The following FLRT2 variants were observed in gnomAD, a reference collection of about 807,000 sequenced individuals.
FLRT2 encodes the protein leucine-rich repeat transmembrane protein FLRT2.
Under a neutral mutation model 40.0 loss-of-function variants are expected in FLRT2, and 15 were observed. That is an observed-to-expected ratio of 0.38 (90% CI 0.25 to 0.58). The LOEUF is 0.58. Among genes scored for constraint, FLRT2 ranks in the 20% least tolerant of loss-of-function variants. FLRT2 has a pLI of 0.71. For missense variants in FLRT2, 726 were observed against 840.0 expected, an observed-to-expected ratio of 0.86 and a Z score of 1.68; for synonymous variants, 380 against 336.8, an observed-to-expected ratio of 1.13 and a Z score of -1.41.
chr14:85,607,655 G>T (rs1029521984), intron 1 of FLRT2, among the ~76,000 whole-genome samples: 2 of 152,168 alleles, frequency 1.3e-5, no homozygotes, highest in African/African-American at 4.8e-5. Context: ...TTTTTGCTTT[G>T]CAGTCCTTCT....
intron 1 of FLRT2, among the ~76,000 whole-genome samples, chr14:85,569,290 C>T (rs554420949): frequency 2.0e-5 from 3 of 152,194 alleles, no homozygotes; most frequent in Non-Finnish European, 4.4e-5. Flanking sequence ...TCAAGCCCAC[C>T]GTGGGCAATG....
chr14:85,643,305 T>C lies in FLRT2; in HGVS notation c.*19808T>C, dbSNP rs1894200449. ...GTATTTCTTTTTTTTCTTTCTTTCTTTCTTTCTTTCTTTCTTTCTTTCTTT... is the reference window on the plus strand; with the variant it reads ...GTATTTCTTTTTTTTCTTTCTTTCTCTCTTTCTTTCTTTCTTTCTTTCTTT... On this transcript the variant is annotated 3_prime_UTR_variant, in exon 2 of 2. Coordinates refer to ENST00000330753, the MANE Select transcript of FLRT2 (RefSeq NM_013231.6). 1 of 94,442 alleles carries C rather than the reference T, an allele frequency of 1.1e-5. No homozygotes were observed. Among genetic ancestry groups the C allele is most frequent in the African/African-American group, 4.8e-5 (1 of 20,724 alleles). 5.9% of individuals were successfully genotyped at this position (94,442 alleles called of 1,614,324 possible). A position where few individuals can be genotyped will look rare whatever the true frequency, so the allele number is the denominator to read the frequency against.
chr14:85,600,388 A>C (rs1892331760), intron 1 of FLRT2, among the ~76,000 whole-genome samples: 1 of 152,200 alleles, frequency 6.6e-6, no homozygotes, highest in South Asian at 2.1e-4. Flanking sequence ...TTAAAGTGGT[A>C]GCATTTAATC....
chr14:85,563,019 A>G (rs1383776939), intron 1 of FLRT2: 1 of 151,420 alleles, frequency 6.6e-6, no homozygotes, highest in Non-Finnish European at 1.5e-5. Context: ...AGTGTTGTAT[A>G]TGTAAATAAA....
chr14:85,602,577 C>T (rs972897963), intron 1 of FLRT2, among the ~76,000 whole-genome samples: 1 of 152,192 alleles, frequency 6.6e-6, no homozygotes, highest in African/African-American at 2.4e-5. Context: ...GTTCTATGCT[C>T]AGCACAGGGA....
At chr14:85,551,722 A>G (rs1051605663) in intron 1 of FLRT2, 1 of 152,190 alleles carries the variant, frequency 6.6e-6, no homozygotes, top group Non-Finnish European at 1.5e-5. Flanking sequence ...GAGATTACTG[A>G]TGACTTAATT....
rs1893681402 is a variant in FLRT2, at chr14:85,626,336, T to A, written c.*2839T>A. On this transcript the variant is annotated 3_prime_UTR_variant, in exon 2 of 2. Coordinates refer to ENST00000330753, the MANE Select transcript of FLRT2 (RefSeq NM_013231.6). ...GCTGTCATTATGATGTATTTTGAGA[T>A]GATTAGTCAAGAGTCAAGGTTGCGA... 1 of 167,054 alleles carries A rather than the reference T, an allele frequency of 6.0e-6. No individual in the cohort carries two copies. The highest frequency in any genetic ancestry group is 2.4e-5 in the African/African-American group (1 of 41,442). The allele number at this position is 167,054 out of a possible 1,614,324, so 10.3% of individuals were successfully genotyped here. A position where few individuals can be genotyped will look rare whatever the true frequency, so the allele number is the denominator to read the frequency against.
rs2139381745 is a variant in FLRT2 at position 85,628,356 on chromosome 14, T to C, written c.*4859T>C. ...GGTCTTACCATGTTGCCCAGGCTGG[T>C]CTCAAACTCCTAGATGCAAGCAATC... On this transcript the variant is annotated 3_prime_UTR_variant, in exon 2 of 2. Transcript: ENST00000330753. The C allele has an allele frequency of 6.6e-6, 1 of 152,200 alleles. No individual in the cohort carries two copies. The highest frequency in any genetic ancestry group is 2.1e-4 in the South Asian group (1 of 4,818). The allele number at this position is 152,200 out of a possible 1,614,324, so 9.4% of individuals were successfully genotyped here. A position where few individuals can be genotyped will look rare whatever the true frequency, so the allele number is the denominator to read the frequency against.
rs200174277 is a variant in FLRT2 at position 85,532,568 on chromosome 14, CT to C, written c.-377+2037del. ...CTGTTTCCTAATCTTTAGGCTGAAT[CT>C]TTCTTTGTCCGCTGCAATCTATGGG... On this transcript the variant is annotated intron_variant, in intron 1 of 1. Transcript: ENST00000330753. 6.0e-3 allele frequency among the ~76,000 whole-genome samples: 916 copies of C among 152,304 alleles called. 13 individuals are homozygous for C. Among genetic ancestry groups the C allele is most frequent in the African/African-American group, 0.02 (848 of 41,558 alleles).
rs767740495 is a variant in FLRT2, at chr14:85,629,553, C to T, written c.*6056C>T. The T allele has an allele frequency of 1.3e-5, 2 of 152,064 alleles. No individual in the cohort carries two copies. Among genetic ancestry groups the T allele is most frequent in the Admixed American group, 6.6e-5 (1 of 15,262 alleles). 9.4% of individuals were successfully genotyped at this position (152,064 alleles called of 1,614,324 possible). A position where few individuals can be genotyped will look rare whatever the true frequency, so the allele number is the denominator to read the frequency against. ...GTCTTTAAAATAACCCTGTAAGGTGCGTTATTTTAATTTTTAGATTTTAAA... is the reference window on the plus strand; with the variant it reads ...GTCTTTAAAATAACCCTGTAAGGTGTGTTATTTTAATTTTTAGATTTTAAA... On this transcript the variant is annotated 3_prime_UTR_variant, in exon 2 of 2. Coordinates refer to ENST00000330753, the MANE Select transcript of FLRT2 (RefSeq NM_013231.6).
rs1408872141 is a variant in FLRT2 at position 85,628,389 on chromosome 14, C to T, written c.*4892C>T. ...TCCTAGATGCAAGCAATCATCCCAC[C>T]TCGATCACCCAAAGTGCTGGGAGTA... On this transcript the variant is annotated 3_prime_UTR_variant, in exon 2 of 2. Coordinates refer to ENST00000330753, the MANE Select transcript of FLRT2 (RefSeq NM_013231.6). 7 of 152,122 alleles carry T rather than the reference C, an allele frequency of 4.6e-5. No homozygotes were observed. Among genetic ancestry groups the T allele is most frequent in the Admixed American group, 4.6e-4 (7 of 15,256 alleles). 9.4% of individuals were successfully genotyped at this position (152,122 alleles called of 1,614,324 possible).
Position 85,602,159 on chromosome 14 carries a change from C to G in FLRT2, c.-376-18980C>G, listed in dbSNP as rs143456941. Among the ~76,000 whole-genome samples, 147 of 152,230 alleles carry G rather than the reference C, an allele frequency of 9.7e-4. 1 individual carries two copies. In the East Asian group the frequency reaches 0.024, roughly 25 times the overall value. Reference sequence around the variant, plus strand: ...ATTTGCACATATGTATTTACATATGCACTCTTATACATACGTACACCCTGT... The same window carrying G: ...ATTTGCACATATGTATTTACATATGGACTCTTATACATACGTACACCCTGT... On this transcript the variant is annotated intron_variant, in intron 1 of 1. Coordinates refer to ENST00000330753, the MANE Select transcript of FLRT2 (RefSeq NM_013231.6).
intron 1 of FLRT2, among the ~76,000 whole-genome samples, chr14:85,615,471 C>A (rs1207404410): frequency 2.0e-5 from 3 of 152,056 alleles, no homozygotes; most frequent in African/African-American, 7.2e-5. Flanking sequence ...TGTTTCTTTT[C>A]TTTTCTTCCC....
At chr14:85,533,346 G>A (rs937844878) in intron 1 of FLRT2, among the ~76,000 whole-genome samples, 1 of 151,990 alleles carries the variant, frequency 6.6e-6, no homozygotes, top group Non-Finnish European at 1.5e-5. Flanking sequence ...GTCGGATTGA[G>A]GCAGTAGTGT....
rs1005254329 is a variant in FLRT2, at chr14:85,634,695, TAAC to T, written c.*11203_*11205del. 3 of 152,192 alleles carry T rather than the reference TAAC, an allele frequency of 2.0e-5. No individual in the cohort carries two copies. The highest frequency in any genetic ancestry group is 4.4e-5 in the Non-Finnish European group (3 of 68,042). The allele number at this position is 152,192 out of a possible 1,614,324, so 9.4% of individuals were successfully genotyped here. A position where few individuals can be genotyped will look rare whatever the true frequency, so the allele number is the denominator to read the frequency against. On this transcript the variant is annotated 3_prime_UTR_variant, in exon 2 of 2. Transcript: ENST00000330753. ...ATTTTCTCATCTGTACATGGGTTAA[TAAC>T]AACACTCACCTCAACAGTAACCATA...
intron 1 of FLRT2, among the ~76,000 whole-genome samples, chr14:85,579,204 G>C (rs1254691550): frequency 6.6e-6 from 1 of 152,184 alleles, no homozygotes; most frequent in Non-Finnish European, 1.5e-5. Context: ...TGGGAGGCTG[G>C]AGTGGGGGAA....
At chr14:85,543,105 T>A (rs1453723136) in intron 1 of FLRT2, among the ~76,000 whole-genome samples, 1 of 152,188 alleles carries the variant, frequency 6.6e-6, no homozygotes, top group African/African-American at 2.4e-5. Flanking sequence ...ATTGTAACCT[T>A]CTCATGCCCT....
intron 1 of FLRT2, among the ~76,000 whole-genome samples, chr14:85,572,732 G>A (rs973508030): frequency 5.3e-5 from 8 of 152,120 alleles, no homozygotes; most frequent in African/African-American, 1.4e-4. Context: ...AATACATTTC[G>A]TGTGTGCCTT....
intron 1 of FLRT2, among the ~76,000 whole-genome samples, chr14:85,572,477 T>A (rs192086683): frequency 3.8e-4 from 58 of 152,332 alleles, no homozygotes; most frequent in Non-Finnish European, 1.9e-4. Flanking sequence ...TATCCAGTAA[T>A]TTTTTGTACT....
Sources: gnomAD v4.1 joint callset for allele counts (sites outside exome capture counted in the v4.1 genomes callset) on GRCh38, gnomAD v4.1.1 for gene constraint, MANE v1.5 for transcripts, NCBI Gene and HGNC (gene_info 2026-07-23, HGNC 2026-07-21) for gene names.